The following ITGA4 variants were observed in gnomAD, a reference collection of about 807,000 sequenced individuals.
ITGA4 encodes integrin alpha-4.
A neutral mutation model predicts 133.6 loss-of-function variants in ITGA4; 63 were observed. The ratio of observed to expected loss-of-function variants is 0.47; its 90% CI spans 0.38 to 0.58. The LOEUF (loss-of-function observed/expected upper bound fraction) is 0.58, where lower values mean the gene tolerates loss of function less well. Among genes scored for constraint, ITGA4 ranks in the 20% least tolerant of loss-of-function variants. The pLI is 0.00. For missense variants in ITGA4, 1,076 were observed against 1,252.7 expected (o/e 0.86, Z 2.13); for synonymous variants, 483 against 438.0 (o/e 1.10, Z -1.28).
rs746192316 is a variant in ITGA4, at chr2:181,495,355, GT to G, written c.1340-10del. On this transcript the variant is annotated splice_polypyrimidine_tract_variant and intron_variant, in intron 12 of 27. Coordinates refer to ENST00000397033, the MANE Select transcript of ITGA4 (RefSeq NM_000885.6). This position sits in a 1 kb window ranked among gnomAD's most constrained non-coding sequence, Gnocchi z 4.3. Reference sequence around the variant, plus strand: ...CTAATGATGATCATTAATCTGTGTTGTTTTTTATCCTCCAGATGTAGCAGTT... The same window carrying G: ...CTAATGATGATCATTAATCTGTGTTGTTTTTATCCTCCAGATGTAGCAGTT... 2 of 1,599,852 alleles carry G rather than the reference GT, an allele frequency of 1.3e-6. No homozygotes were observed. Among genetic ancestry groups the G allele is most frequent in the South Asian group, 1.1e-5 (1 of 90,700 alleles).
chr2:181,473,034 A>G (rs1338102092), intron 2 of ITGA4, among the ~76,000 whole-genome samples: 1 of 152,200 alleles, frequency 6.6e-6, no homozygotes, highest in African/African-American at 2.4e-5. Context: ...AGCCATTACC[A>G]GTTAGTGGGG....
In ITGA4 at chr2:181,538,122, A is replaced by C. The variant is rs772596784; in HGVS notation, c.*2595A>C. 9.8e-5 allele frequency: 106 copies of C among 1,082,660 alleles called. No individual in the cohort carries two copies. The highest frequency in any genetic ancestry group is 2.0e-4 in the African/African-American group (13 of 64,394). 67.1% of individuals were successfully genotyped at this position (1,082,660 alleles called of 1,614,324 possible). A position where few individuals can be genotyped will look rare whatever the true frequency, so the allele number is the denominator to read the frequency against. Reference sequence around the variant, plus strand: ...AGGGTGGGGACCACAGGTTTAAAGCATGGCCACATTTCTTTATATTAAAAT... The same window carrying C: ...AGGGTGGGGACCACAGGTTTAAAGCCTGGCCACATTTCTTTATATTAAAAT... On this transcript the variant is annotated 3_prime_UTR_variant, in exon 28 of 28. Coordinates refer to ENST00000397033, the MANE Select transcript of ITGA4 (RefSeq NM_000885.6).
At chr2:181,472,969 A>G (rs891835334) in intron 2 of ITGA4, among the ~76,000 whole-genome samples, 4 of 152,200 alleles carry the variant, frequency 2.6e-5, no homozygotes, top group African/African-American at 9.7e-5. Context: ...CAACCCCAGC[A>G]TTCTTTGTCC....
rs768449199 is a variant in ITGA4 at position 181,527,334 on chromosome 2, G to T, written c.2377G>T (p.Asp793Tyr). The change falls in exon 22 of 28, where the codon GAT becomes TAT. Residue 793 changes from aspartate to tyrosine, a missense_variant. Physicochemically the swap from Asp to Tyr is radical, Grantham distance 160. Around this residue, in one of 4 missense-constraint regions of ITGA4, gnomAD observed 365 missense variants for 421.4 expected, o/e 0.87. Coordinates refer to ENST00000397033, the MANE Select transcript of ITGA4 (RefSeq NM_000885.6). ...AACTTCATTTGTGTATGGATCAAAT[G>T]ATGAAAATGAGCCTGAAACGTGCAT... ...NPTSFVYGSN[D>Y]ENEPETCMVE... The T allele has an allele frequency of 6.2e-7, 1 of 1,613,030 alleles. No individual in the cohort carries two copies. The highest frequency in any genetic ancestry group is 8.5e-7 in the Non-Finnish European group (1 of 1,179,232).
intron 14 of ITGA4, among the ~76,000 whole-genome samples, chr2:181,496,384 C>T (rs1226461441): frequency 6.6e-6 from 1 of 152,086 alleles, no homozygotes; most frequent in Non-Finnish European, 1.5e-5. Context: ...GTCATCACAC[C>T]ACTGCATTCC....
intron 12 of ITGA4, among the ~76,000 whole-genome samples, 181 bp downstream of exon 12, chr2:181,494,993 G>A (rs1185746009): frequency 1.3e-5 from 2 of 152,064 alleles, no homozygotes; most frequent in Admixed American, 1.3e-4. Context: ...CAGCTTAACA[G>A]TGCTAGTTAC....
At chr2:181,474,131 A>G (rs1685620186) in intron 2 of ITGA4, among the ~76,000 whole-genome samples, 1 of 152,238 alleles carries the variant, frequency 6.6e-6, no homozygotes, top group South Asian at 2.1e-4. Context: ...CTCTTCCCCA[A>G]AGTAACTTAT....
chr2:181,489,985 A>G (rs1206401211), intron 10 of ITGA4, among the ~76,000 whole-genome samples: 1 of 152,162 alleles, frequency 6.6e-6, no homozygotes, highest in Non-Finnish European at 1.5e-5. Flanking sequence ...AAGGGCTCAC[A>G]ACTCTAAGGG....
chr2:181,510,281 T>C (rs992722781), intron 16 of ITGA4, among the ~76,000 whole-genome samples: 7 of 152,294 alleles, frequency 4.6e-5, no homozygotes, highest in South Asian at 2.1e-4. Context: ...TGTTATACAA[T>C]AATTTCTTTT....
intron 4 of ITGA4, among the ~76,000 whole-genome samples, chr2:181,477,785 A>G (rs1253707803): frequency 6.6e-6 from 1 of 150,756 alleles, no homozygotes; most frequent in Non-Finnish European, 1.5e-5. Context: ...AAAACAGTAG[A>G]GAAGTTACTC....
At chr2:181,475,436 T>A in intron 4 of ITGA4, 148 bp downstream of exon 4, 1 of 675,598 alleles carries the variant, frequency 1.5e-6, no homozygotes, top group South Asian at 2.1e-5. Context: ...TTTCTTTCTT[T>A]ACCCAATTGC....
At chr2:181,482,327 TA>T (rs1685823745) in intron 7 of ITGA4, 32 bp from the exon 8 acceptor site, 4 of 1,566,744 alleles carry the variant, frequency 2.6e-6, no homozygotes, top group Non-Finnish European at 3.5e-6. Context: ...ATGTTATTCC[TA>T]AAAACTTTTC....
intron 2 of ITGA4, among the ~76,000 whole-genome samples, chr2:181,470,658 T>A (rs181467113): frequency 6.6e-6 from 1 of 152,068 alleles, no homozygotes; most frequent in African/African-American, 2.4e-5. Context: ...AAGGCCATGA[T>A]CACAAGCTGA....
In ITGA4 at chr2:181,509,769, C is replaced by T. The variant is rs779703814; in HGVS notation, c.1807C>T (p.Leu603Phe). Residue 603 changes from leucine to phenylalanine, a missense_variant, in exon 16 of 28, where the codon CTT (leucine) becomes TTT (phenylalanine). Around this residue, in one of 4 missense-constraint regions of ITGA4, gnomAD observed 365 missense variants for 421.4 expected, o/e 0.87. Coordinates refer to ENST00000397033, the MANE Select transcript of ITGA4 (RefSeq NM_000885.6). ...GGAATTCCCACCACTTCAGCCAATTCTTCAGCAGAAGAAAGAAAAAGACAT... is the reference window on the plus strand; with the variant it reads ...GGAATTCCCACCACTTCAGCCAATTTTTCAGCAGAAGAAAGAAAAAGACAT... ...TEEFPPLQPI[L>F]QQKKEKDIMK... 5.0e-6 allele frequency: 8 copies of T among 1,610,514 alleles called. No individual in the cohort carries two copies. Among genetic ancestry groups the T allele is most frequent in the Non-Finnish European group, 6.8e-6 (8 of 1,178,044 alleles).
chr2:181,517,362 G>A (rs1686626649), intron 17 of ITGA4, among the ~76,000 whole-genome samples: 1 of 151,930 alleles, frequency 6.6e-6, no homozygotes, highest in Non-Finnish European at 1.5e-5. Flanking sequence ...GCAAAATAAA[G>A]CTATATTATT....
chr2:181,492,073 CCCACT>C (rs1686059058), intron 10 of ITGA4, among the ~76,000 whole-genome samples: 1 of 152,232 alleles, frequency 6.6e-6, no homozygotes, highest in Non-Finnish European at 1.5e-5. Context: ...GCCATTCCTC[CCCACT>C]AGACAATGAG....
rs1687337070 is a variant in ITGA4 at position 181,538,748 on chromosome 2, T to C, written c.*3221T>C. Among the ~76,000 whole-genome samples, 1 of 152,150 alleles carries C rather than the reference T, an allele frequency of 6.6e-6. No individual in the cohort carries two copies. Among genetic ancestry groups the C allele is most frequent in the South Asian group, 2.1e-4 (1 of 4,826 alleles). ...AGGATAAAAATCTAACACTTTACTA[T>C]TCAGATGGCTCCACTAAAAGATTTA... is the stretch of plus-strand genomic sequence containing the variant. On this transcript the variant is annotated 3_prime_UTR_variant, in exon 28 of 28. Transcript: ENST00000397033.
intron 4 of ITGA4, among the ~76,000 whole-genome samples, chr2:181,476,715 C>T: frequency 6.6e-6 from 1 of 152,110 alleles, no homozygotes; most frequent in East Asian, 1.9e-4. Flanking sequence ...ATGGAATCAA[C>T]CTAAATGCAC....
At position 181,458,330 on chromosome 2, in the gene ITGA4, T is replaced by C. The variant is rs189597010; in HGVS notation, c.319+13T>C. The C allele has an allele frequency of 2.9e-4, 468 of 1,608,622 alleles. 1 individual carries two copies. The Middle Eastern group carries it at 4.8e-3, about 16-fold the overall frequency. On this transcript the variant is annotated intron_variant, in intron 2 of 27. Coordinates refer to ENST00000397033, the MANE Select transcript of ITGA4 (RefSeq NM_000885.6). ...CAGCTCCAGCTGGGTGAGTTGGGTA[T>C]GGGACCAGGAGTTAGTGACCTCCCG...
Sources: allele counts gnomAD v4.1 joint callset (sites outside exome capture counted in the v4.1 genomes callset), GRCh38; gene constraint gnomAD v4.1.1; regional missense constraint gnomAD v4.1.1; non-coding constraint Gnocchi (gnomAD v3.1); transcripts MANE v1.5; gene names NCBI Gene and HGNC (gene_info 2026-07-23, HGNC 2026-07-21).